Variants in STXBP5 observed in about 807,000 individuals in gnomAD.
The protein encoded by STXBP5 is syntaxin binding protein 5, also known as syntaxin-binding protein 5.
In STXBP5, 50 loss-of-function variants were observed where a neutral mutation model predicts 152.4. That is an observed-to-expected ratio of 0.33 (90% confidence interval 0.26 to 0.42). The LOEUF is 0.42. Among genes scored for constraint, STXBP5 ranks in the 10% least tolerant of loss-of-function variants. The pLI is 1.00. For synonymous variants in STXBP5, 492 were observed against 494.7 expected (o/e 0.99, Z 0.07); for missense variants, 1,167 against 1,388.6 (o/e 0.84, Z 2.54).
intron 4 of STXBP5, among the ~76,000 whole-genome samples, chr6:147,257,867 C>T (rs1265300824): frequency 2.6e-5 from 4 of 152,268 alleles, no homozygotes; most frequent in Admixed American, 6.5e-5. Context: ...TCTGTTGGGT[C>T]GGCAACCTGG....
intron 7 of STXBP5, among the ~76,000 whole-genome samples, chr6:147,276,154 A>T (rs1490704675): frequency 6.6e-6 from 1 of 152,246 alleles, no homozygotes; most frequent in Non-Finnish European, 1.5e-5. Flanking sequence ...TGCATGGTAG[A>T]TACTGTATAC....
rs528603316 is a variant in STXBP5, at chr6:147,237,218, C to A, written c.330+1887C>A. Among the ~76,000 whole-genome samples, 3 of 152,110 alleles carry A rather than the reference C, an allele frequency of 2.0e-5. No individual in the cohort carries two copies. The South Asian group carries it at 6.2e-4, about 32-fold the overall frequency. Reference sequence around the variant, plus strand: ...GCTATTTTTATTCATATTAAGTATTCTTTTTCTCTTCAATAAGATTGATCA... The same window carrying A: ...GCTATTTTTATTCATATTAAGTATTATTTTTCTCTTCAATAAGATTGATCA... On this transcript the variant is annotated intron_variant, in intron 3 of 27. Coordinates refer to ENST00000321680, the MANE Select transcript of STXBP5 (RefSeq NM_001127715.4).
At chr6:147,280,299 C>T (rs571990076) in intron 8 of STXBP5, among the ~76,000 whole-genome samples, 3 of 152,142 alleles carry the variant, frequency 2.0e-5, no homozygotes, top group East Asian at 1.9e-4. Context: ...TTAGGTTGCA[C>T]GTTTTTGGCA....
chr6:147,204,558 T>C lies in STXBP5; in HGVS notation c.26T>C (p.Val9Ala). The C allele has an allele frequency of 6.2e-7, 1 of 1,609,724 alleles. No homozygotes were observed. The highest frequency in any genetic ancestry group is 8.5e-7 in the Non-Finnish European group (1 of 1,178,272). ...ATGAGGAAATTCAACATCAGGAAGG[T>C]GCTGGACGGCCTGACCGCCGGCTCG... The part of the protein sequence containing the change: MRKFNIRK[V>A]LDGLTAGSSS... Residue 9 changes from valine (V) to alanine (A), a missense_variant, in exon 1 of 28, where the codon GTG becomes GCG. Val to Ala is a moderately conservative substitution (Grantham distance 64). Coordinates refer to ENST00000321680, the MANE Select transcript of STXBP5 (RefSeq NM_001127715.4). The surrounding 1 kb of genome is among the most constrained non-coding windows in gnomAD (Gnocchi z 4.3).
chr6:147,282,794 A>G (rs1285677166), intron 8 of STXBP5, among the ~76,000 whole-genome samples: 1 of 152,140 alleles, frequency 6.6e-6, no homozygotes, highest in Non-Finnish European at 1.5e-5. Flanking sequence ...CCTCCCCTGT[A>G]GCGCAGGGTT....
chr6:147,254,845 A>G (rs191032311), intron 4 of STXBP5, among the ~76,000 whole-genome samples: 1 of 152,382 alleles, frequency 6.6e-6, no homozygotes, highest in Non-Finnish European at 1.5e-5. Context: ...GTGGAGAAAT[A>G]GGAATGCGTT....
At chr6:147,321,110 GA>G (rs1382271858) in intron 16 of STXBP5, among the ~76,000 whole-genome samples, 2 of 152,006 alleles carry the variant, frequency 1.3e-5, no homozygotes, top group African/African-American at 4.8e-5. Flanking sequence ...ATATATTAGT[GA>G]TTTTTTTAAA....
At chr6:147,382,168 G>A (rs1583020608) in intron 26 of STXBP5, among the ~76,000 whole-genome samples, 1 of 152,148 alleles carries the variant, frequency 6.6e-6, no homozygotes, top group East Asian at 1.9e-4. Context: ...ATAGCAAAGG[G>A]AAAGAAAACA....
chr6:147,379,107 G>GA (rs34796123), intron 26 of STXBP5, among the ~76,000 whole-genome samples: 98,104 of 148,558 alleles, frequency 0.66, 33,458 homozygotes, highest in African/African-American at 0.88. Flanking sequence ...CCCACAGCTG[G>GA]AAAAAAAAAA....
intron 9 of STXBP5, among the ~76,000 whole-genome samples, chr6:147,296,398 T>C (rs1056947864): frequency 6.6e-6 from 1 of 151,906 alleles, no homozygotes; most frequent in African/African-American, 2.4e-5. Flanking sequence ...GCTGAAGAAA[T>C]TGCATGGAGA....
At chr6:147,378,319 G>T (rs1012543121) in intron 26 of STXBP5, among the ~76,000 whole-genome samples, 10 of 149,864 alleles carry the variant, frequency 6.7e-5, no homozygotes, top group African/African-American at 2.2e-4. Context: ...AATCTGAAGT[G>T]AAATATTAAG....
chr6:147,273,234 T>C lies in STXBP5; in HGVS notation c.715-4847T>C, dbSNP rs959919106. Among the ~76,000 whole-genome samples, 8 of 146,298 alleles carry C rather than the reference T, an allele frequency of 5.5e-5. No homozygotes were observed. In the East Asian group the frequency reaches 1.6e-3, roughly 30 times the overall value. Reference sequence around the variant, plus strand: ...TTAGCTAGGCCTGGTAGTGGTAGCATGTACCTGTAGTCCTAGCTACTTAAG... The same window carrying C: ...TTAGCTAGGCCTGGTAGTGGTAGCACGTACCTGTAGTCCTAGCTACTTAAG... On this transcript the variant is annotated intron_variant, in intron 7 of 27. Coordinates refer to ENST00000321680, the MANE Select transcript of STXBP5 (RefSeq NM_001127715.4).
At chr6:147,224,643 AT>A (rs924856670) in intron 2 of STXBP5, among the ~76,000 whole-genome samples, 2 of 152,196 alleles carry the variant, frequency 1.3e-5, no homozygotes, top group Non-Finnish European at 1.5e-5. Flanking sequence ...CAGAAAGTTT[AT>A]TTTTTTATCA....
intron 23 of STXBP5, among the ~76,000 whole-genome samples, chr6:147,362,724 A>G (rs902050513): frequency 2.6e-5 from 4 of 152,208 alleles, no homozygotes; most frequent in Admixed American, 6.5e-5. Context: ...AAAGTAAAAA[A>G]CAGGTGAAAT....
At chr6:147,231,763 A>G (rs1057447888) in intron 2 of STXBP5, among the ~76,000 whole-genome samples, 20 of 151,998 alleles carry the variant, frequency 1.3e-4, no homozygotes, top group African/African-American at 4.3e-4. Context: ...AATTGTGAAC[A>G]TAGCCACAGT....
At chr6:147,367,542 G>A (rs1456573049) in intron 25 of STXBP5, among the ~76,000 whole-genome samples, 1 of 152,152 alleles carries the variant, frequency 6.6e-6, no homozygotes, top group Non-Finnish European at 1.5e-5. Flanking sequence ...GGAGGCTCAG[G>A]CAGGAGAATC....
chr6:147,317,078 C>T (rs1021965198), intron 16 of STXBP5, among the ~76,000 whole-genome samples: 19 of 152,170 alleles, frequency 1.2e-4, no homozygotes, highest in African/African-American at 3.9e-4. Flanking sequence ...AGGATAATGA[C>T]GGAAAGGTGG....
intron 21 of STXBP5, among the ~76,000 whole-genome samples, chr6:147,342,421 C>T (rs1236544599): frequency 2.6e-5 from 4 of 152,074 alleles, no homozygotes; most frequent in Non-Finnish European, 5.9e-5. Context: ...ATAAGAAGAG[C>T]AGCCTATAAA....
At chr6:147,229,388 G>T (rs555745194) in intron 2 of STXBP5, among the ~76,000 whole-genome samples, 1 of 151,558 alleles carries the variant, frequency 6.6e-6, no homozygotes, top group East Asian at 1.9e-4. Context: ...TACATATAAT[G>T]ATATGTAAGT....
Sources: allele counts gnomAD v4.1 joint callset (sites outside exome capture counted in the v4.1 genomes callset), GRCh38; gene constraint gnomAD v4.1.1; non-coding constraint Gnocchi (gnomAD v3.1); transcripts MANE v1.5; gene names NCBI Gene and HGNC (gene_info 2026-07-23, HGNC 2026-07-21).